Variants in KAZN observed in about 807,000 individuals in gnomAD.
The protein encoded by KAZN is kazrin, periplakin interacting protein.
A neutral mutation model predicts 87.4 loss-of-function variants in KAZN; 40 were observed. The observed-to-expected ratio is 0.46, with a 90% CI of 0.36 to 0.60. The LOEUF is 0.60. Ranked by LOEUF, KAZN falls within the 20% of genes least tolerant of loss-of-function variation. The pLI, the probability that KAZN is intolerant of heterozygous loss-of-function variation, is 0.00. For synonymous variants in KAZN, 466 were observed against 458.3 expected, an observed-to-expected ratio of 1.02 and a Z score of -0.22; for missense variants, 898 against 1,073.9, an observed-to-expected ratio of 0.84 and a Z score of 2.29.
At chr1:14,413,218 T>G (rs1427376398) in intron 2 of KAZN, among the ~76,000 whole-genome samples, 1 of 151,696 alleles carries the variant, frequency 6.6e-6, no homozygotes, top group Non-Finnish European at 1.5e-5. Context: ...TGACAATAAG[T>G]AGTACTGGGG....
chr1:14,858,209 C>CTTTTTTTTTTTTTTTTTTT lies in KAZN; in HGVS notation c.227-102471_227-102470insTTTTTTTTTTTTTTTTTTT, dbSNP rs762613728. Among the ~76,000 whole-genome samples, 252 of 115,876 alleles carry CTTTTTTTTTTTTTTTTTTT rather than the reference C, an allele frequency of 2.2e-3. 29 individuals are homozygous for CTTTTTTTTTTTTTTTTTTT. The highest frequency in any genetic ancestry group is 5.4e-3 in the Middle Eastern group (1 of 184). The allele number at this position is 115,876 out of a possible 152,430, so 76.0% of individuals were successfully genotyped here. A position where few individuals can be genotyped will look rare whatever the true frequency, so the allele number is the denominator to read the frequency against. On this transcript the variant is annotated intron_variant, in intron 1 of 14. Coordinates refer to ENST00000376030, the MANE Select transcript of KAZN (RefSeq NM_201628.3). ...CTTTCTTTTTTTCTTTTTTCTTTTT[C>CTTTTTTTTTTTTTTTTTTT]TTTTCTTTTTTTTTTTTTTTTGAGA...
intron 1 of KAZN, among the ~76,000 whole-genome samples, chr1:13,987,568 C>G (rs1639080063): frequency 6.6e-6 from 1 of 151,942 alleles, no homozygotes; most frequent in Non-Finnish European, 1.5e-5. Flanking sequence ...TTCTACAGTT[C>G]TGGGGACTGG....
At chr1:14,065,711 G>T (rs911207815) in intron 1 of KAZN, among the ~76,000 whole-genome samples, 3 of 152,146 alleles carry the variant, frequency 2.0e-5, no homozygotes, top group Admixed American at 6.5e-5. Context: ...ATATGCAAGG[G>T]GCGGGCCTGG....
At chr1:14,824,140 A>G in intron 1 of KAZN, among the ~76,000 whole-genome samples, 1 of 149,486 alleles carries the variant, frequency 6.7e-6, no homozygotes, top group African/African-American at 2.5e-5. Context: ...AAGGTTAAAA[A>G]TCCCAGGGAG....
intron 1 of KAZN, among the ~76,000 whole-genome samples, chr1:14,775,380 A>G (rs753929573): frequency 6.6e-6 from 1 of 152,244 alleles, no homozygotes; most frequent in Non-Finnish European, 1.5e-5. Flanking sequence ...CCCCTGGAGG[A>G]AATAAATGCT....
At chr1:13,911,549 A>G (rs1639651612) in intron 1 of KAZN, among the ~76,000 whole-genome samples, 1 of 152,202 alleles carries the variant, frequency 6.6e-6, no homozygotes, top group Admixed American at 6.5e-5. Flanking sequence ...AGAAACTATT[A>G]TAATCCATCA....
chr1:14,410,332 C>G, intron 2 of KAZN, among the ~76,000 whole-genome samples: 1 of 152,172 alleles, frequency 6.6e-6, no homozygotes, highest in East Asian at 1.9e-4. Context: ...GAACTCATAG[C>G]CTTAAGTGAT....
At chr1:13,923,240 A>G (rs1640129936) in intron 1 of KAZN, among the ~76,000 whole-genome samples, 2 of 152,216 alleles carry the variant, frequency 1.3e-5, no homozygotes, top group African/African-American at 4.8e-5. Context: ...CAATACAGTA[A>G]GCTAGAGAAA....
chr1:14,532,953 C>A (rs1053691725), intron 2 of KAZN, among the ~76,000 whole-genome samples: 4 of 152,064 alleles, frequency 2.6e-5, no homozygotes, highest in African/African-American at 9.7e-5. Context: ...GTCTTTATAG[C>A]AACATGATTT....
intron 1 of KAZN, among the ~76,000 whole-genome samples, chr1:14,896,598 G>T (rs1655303768): frequency 6.6e-6 from 1 of 152,186 alleles, no homozygotes; most frequent in Admixed American, 6.5e-5. Flanking sequence ...GATCTCTGCT[G>T]GTGGGGAGCA....
chr1:14,904,772 GT>G (rs1183389844), intron 1 of KAZN, among the ~76,000 whole-genome samples: 1 of 151,986 alleles, frequency 6.6e-6, no homozygotes, highest in African/African-American at 2.4e-5. Context: ...TTTTGTTTTT[GT>G]TTTTTTGAGA....
intron 2 of KAZN, among the ~76,000 whole-genome samples, chr1:15,013,312 G>A (rs906795214): frequency 1.7e-4 from 26 of 152,158 alleles, no homozygotes; most frequent in Non-Finnish European, 2.9e-4. Context: ...CCCCCGTTTC[G>A]TTTATATTCG....
At chr1:14,342,549 G>C (rs1183276775) in intron 2 of KAZN, among the ~76,000 whole-genome samples, 3 of 152,260 alleles carry the variant, frequency 2.0e-5, no homozygotes, top group African/African-American at 7.2e-5. Flanking sequence ...ATATCTTGCA[G>C]AGTAGGCCTT....
chr1:14,811,275 G>C (rs558638139), intron 1 of KAZN, among the ~76,000 whole-genome samples: 3 of 152,220 alleles, frequency 2.0e-5, no homozygotes, highest in African/African-American at 7.2e-5. Flanking sequence ...ACAGTTCATT[G>C]TTCCCAAATG....
intron 2 of KAZN, among the ~76,000 whole-genome samples, chr1:14,980,513 C>T (rs1666128842): frequency 6.6e-6 from 1 of 152,160 alleles, no homozygotes; most frequent in Admixed American, 6.5e-5. Context: ...CCCACCTGCC[C>T]CCCTGGACAG....
At chr1:13,973,742 TC>T (rs1171524117) in intron 1 of KAZN, among the ~76,000 whole-genome samples, 1 of 152,224 alleles carries the variant, frequency 6.6e-6, no homozygotes, top group East Asian at 1.9e-4. Flanking sequence ...TTTGTTAACA[TC>T]CCCATTTTAC....
intron 1 of KAZN, among the ~76,000 whole-genome samples, chr1:13,902,757 G>T (rs895118457): frequency 6.6e-6 from 1 of 152,172 alleles, no homozygotes; most frequent in African/African-American, 2.4e-5. Flanking sequence ...ACCCTGATTT[G>T]ATCATTACAC....
chr1:14,459,157 A>G (rs1197543240), intron 2 of KAZN, among the ~76,000 whole-genome samples: 1 of 152,080 alleles, frequency 6.6e-6, no homozygotes, highest in Non-Finnish European at 1.5e-5. Flanking sequence ...TGTGCTCACT[A>G]GGAGGGTATC....
intron 2 of KAZN, among the ~76,000 whole-genome samples, chr1:14,424,110 A>G (rs1262301573): frequency 6.6e-6 from 1 of 152,190 alleles, no homozygotes; most frequent in Non-Finnish European, 1.5e-5. Flanking sequence ...ACAGAGTCCC[A>G]ACTCACATAG....
Sources: allele counts gnomAD v4.1 joint callset (sites outside exome capture counted in the v4.1 genomes callset), GRCh38; gene constraint gnomAD v4.1.1; transcripts MANE v1.5; gene names NCBI Gene and HGNC (gene_info 2026-07-23, HGNC 2026-07-21).